Variants in SNX9 observed in about 807,000 individuals in gnomAD.
SNX9 encodes sorting nexin 9.
A neutral mutation model predicts 89.4 loss-of-function variants in SNX9; 44 were observed. The ratio of observed to expected loss-of-function variants is 0.49; its 90% CI spans 0.39 to 0.63. The LOEUF (loss-of-function observed/expected upper bound fraction) is 0.63, where lower values mean the gene tolerates loss of function less well. SNX9 is among the 30% of genes least tolerant of loss of function. SNX9 has a pLI of 0.00. For missense variants in SNX9, 578 were observed against 736.1 expected (o/e 0.79, Z 2.49); for synonymous variants, 236 against 247.8 (o/e 0.95, Z 0.45).
chr6:157,827,677 G>T (rs1781406427), intron 1 of SNX9, among the ~76,000 whole-genome samples: 1 of 147,504 alleles, frequency 6.8e-6, no homozygotes, highest in African/African-American at 2.5e-5. Flanking sequence ...AAGAAATGAA[G>T]AATTTTTTTT....
At chr6:157,852,428 T>C (rs1781931597) in intron 1 of SNX9, among the ~76,000 whole-genome samples, 1 of 152,064 alleles carries the variant, frequency 6.6e-6, no homozygotes, top group Non-Finnish European at 1.5e-5. Flanking sequence ...CCTCCCTCCC[T>C]CCCTTCCTCC....
At chr6:157,851,952 G>A (rs1437830996) in intron 1 of SNX9, among the ~76,000 whole-genome samples, 1 of 152,192 alleles carries the variant, frequency 6.6e-6, no homozygotes, top group Non-Finnish European at 1.5e-5. Flanking sequence ...CGTCTGTAAT[G>A]TAGCATGTAT....
rs1783110521 is a variant in SNX9, at chr6:157,902,051, T to C, written c.620+6T>C. 6.2e-7 allele frequency: 1 copy of C among 1,613,084 alleles called. No individual in the cohort carries two copies. The highest frequency in any genetic ancestry group is 1.3e-5 in the African/African-American group (1 of 74,924). Reference sequence around the variant, plus strand: ...ATGAAAATTCCCCTTAACAAGTAAGTTTAAAGGGGAGCCAGGGAACCAGGG... The same window carrying C: ...ATGAAAATTCCCCTTAACAAGTAAGCTTAAAGGGGAGCCAGGGAACCAGGG... On this transcript the variant is annotated splice_donor_region_variant and intron_variant, in intron 6 of 17. Coordinates refer to ENST00000392185, the MANE Select transcript of SNX9 (RefSeq NM_016224.5).
At chr6:157,915,656 T>TATATATATATATATATATATATAG (rs1783450978) in intron 9 of SNX9, among the ~76,000 whole-genome samples, 1 of 120,112 alleles carries the variant, frequency 8.3e-6, no homozygotes, top group Non-Finnish European at 1.7e-5. Context: ...TATATATATA[T>TATATATATATATATATATATATAG]ACACACACAC....
intron 1 of SNX9, among the ~76,000 whole-genome samples, chr6:157,848,173 C>T (rs921673834): frequency 1.4e-4 from 22 of 152,186 alleles, no homozygotes; most frequent in African/African-American, 5.1e-4. Context: ...TGGCTTTTCA[C>T]CACTATGTCC....
At chr6:157,928,161 G>T (rs997875589) in intron 11 of SNX9, among the ~76,000 whole-genome samples, 3 of 152,094 alleles carry the variant, frequency 2.0e-5, no homozygotes, top group Non-Finnish European at 4.4e-5. Context: ...GACATCCTTA[G>T]AAAGAACTGG....
intron 9 of SNX9, among the ~76,000 whole-genome samples, chr6:157,913,252 G>T (rs2115182957): frequency 6.6e-6 from 1 of 151,868 alleles, no homozygotes; most frequent in South Asian, 2.1e-4. Flanking sequence ...CCACTTTTTA[G>T]GTAATAAAAG....
At chr6:157,909,636 A>T (rs757925773) in intron 7 of SNX9, 29 bp from the exon 8 acceptor site, 1 of 1,605,200 alleles carries the variant, frequency 6.2e-7, no homozygotes, top group Non-Finnish European at 8.5e-7. Flanking sequence ...CATGTAACAA[A>T]ATTACTTCTT....
At chr6:157,835,212 C>T (rs551151092) in intron 1 of SNX9, among the ~76,000 whole-genome samples, 1 of 151,976 alleles carries the variant, frequency 6.6e-6, no homozygotes, top group Non-Finnish European at 1.5e-5. Flanking sequence ...GGGGTTTCAC[C>T]ATATTGGCCA....
At chr6:157,909,595 T>C in intron 7 of SNX9, 70 bp from the exon 8 acceptor site, 3 of 1,570,556 alleles carry the variant, frequency 1.9e-6, no homozygotes, top group Middle Eastern at 1.8e-4. Flanking sequence ...AATTACTTGC[T>C]GATTCACATC....
intron 4 of SNX9, among the ~76,000 whole-genome samples, chr6:157,883,604 C>T (rs1161528873): frequency 2.0e-5 from 3 of 152,138 alleles, no homozygotes; most frequent in Admixed American, 2.0e-4. Context: ...GTGTGGCTAC[C>T]CATCATCACC....
At chr6:157,872,784 C>G (rs1374634331) in intron 2 of SNX9, 1 of 175,274 alleles carries the variant, frequency 5.7e-6, no homozygotes, top group Non-Finnish European at 1.2e-5. Context: ...CCCACCGCTT[C>G]ACATTCAGAG....
At chr6:157,879,914 C>T (rs568372791) in intron 4 of SNX9, among the ~76,000 whole-genome samples, 1 of 152,326 alleles carries the variant, frequency 6.6e-6, no homozygotes, top group South Asian at 2.1e-4. Flanking sequence ...TTAAAAGCTA[C>T]TTAAAAGTTC....
At chr6:157,878,985 A>T (rs541126743) in intron 4 of SNX9, among the ~76,000 whole-genome samples, 109 of 152,348 alleles carry the variant, frequency 7.2e-4, no homozygotes, top group African/African-American at 2.4e-3. Flanking sequence ...AGATTCTTCT[A>T]TCAAACTAGC....
At chr6:157,937,234 G>A (rs1306071652) in intron 14 of SNX9, among the ~76,000 whole-genome samples, 200 bp from the exon 15 acceptor site, 1 of 152,146 alleles carries the variant, frequency 6.6e-6, no homozygotes, top group African/African-American at 2.4e-5. Flanking sequence ...ATGATGTTTT[G>A]TTGTTTTCTT....
At chr6:157,914,730 G>T (rs756599239) in intron 9 of SNX9, among the ~76,000 whole-genome samples, 1 of 151,926 alleles carries the variant, frequency 6.6e-6, no homozygotes, top group Non-Finnish European at 1.5e-5. Context: ...CACCCACTTC[G>T]GCCTCCCAAA....
In SNX9 at chr6:157,823,322, G is replaced by A. The variant is rs1414593410; in HGVS notation, c.-113G>A. On this transcript the variant is annotated 5_prime_UTR_variant, in exon 1 of 18. Coordinates refer to ENST00000392185, the MANE Select transcript of SNX9 (RefSeq NM_016224.5). This position sits in a 1 kb window ranked among gnomAD's most constrained non-coding sequence, Gnocchi z 4.6. ...GAGGCGGAGGAGCGGCCGCCGCGCC[G>A]GGGCCCAGCCGGAGCCGCCGCCCTC... 2 of 976,808 alleles carry A rather than the reference G, an allele frequency of 2.0e-6. No individual in the cohort carries two copies. The highest frequency in any genetic ancestry group is 5.0e-5 in the Admixed American group (1 of 20,004). The allele number at this position is 976,808 out of a possible 1,614,324, so 60.5% of individuals were successfully genotyped here.
chr6:157,874,380 A>T (rs971100200), intron 3 of SNX9: 1 of 152,256 alleles, frequency 6.6e-6, no homozygotes, highest in African/African-American at 2.4e-5. Flanking sequence ...CAAGATTGAG[A>T]AAAATCTGAG....
chr6:157,906,461 A>AT (rs1783218035), intron 7 of SNX9, among the ~76,000 whole-genome samples: 1 of 152,090 alleles, frequency 6.6e-6, no homozygotes, highest in Non-Finnish European at 1.5e-5. Context: ...TATTTTGATC[A>AT]TTTTTTTCTA....
Sources: allele counts gnomAD v4.1 joint callset (sites outside exome capture counted in the v4.1 genomes callset), GRCh38; gene constraint gnomAD v4.1.1; non-coding constraint Gnocchi (gnomAD v3.1); transcripts MANE v1.5; gene names NCBI Gene and HGNC (gene_info 2026-07-23, HGNC 2026-07-21).